ZFHX3: variants seen among roughly 807,000 people sequenced by gnomAD.
ZFHX3 encodes zinc finger homeobox 3.
A neutral mutation model predicts 279.1 loss-of-function variants in ZFHX3; 42 were observed. That is an observed-to-expected ratio of 0.15 (90% CI 0.12 to 0.19). ZFHX3 has a LOEUF of 0.19. Among genes scored for constraint, ZFHX3 ranks in the 10% least tolerant of loss-of-function variants. The probability of loss-of-function intolerance (pLI) is 1.00; values close to 1 mark genes in which losing one functional copy is unlikely to be tolerated. For synonymous variants in ZFHX3, 2,293 were observed against 1,957.8 expected (o/e 1.17, Z -4.52); for missense variants, 4,981 against 4,754.0 (o/e 1.05, Z -1.40).
chr16:73,543,885 G>GGGGAGAGAGAGAGAGAGA (rs1555523939), intron 2 of ZFHX3: 23 of 136,506 alleles, frequency 1.7e-4, no homozygotes, highest in African/African-American at 6.5e-4. Flanking sequence ...AGCGAGAGAG[G>GGGGAGAGAGAGAGAGAGA]GAGAGAGAGA....
At chr16:73,397,330 A>G (rs2017151138) in intron 3 of ZFHX3, among the ~76,000 whole-genome samples, 1 of 152,172 alleles carries the variant, frequency 6.6e-6, no homozygotes, top group Non-Finnish European at 1.5e-5. Flanking sequence ...TGAGGAATAG[A>G]AGAGTGGCAT....
At chr16:73,304,380 G>C (rs1373803773) in intron 4 of ZFHX3, among the ~76,000 whole-genome samples, 1 of 152,166 alleles carries the variant, frequency 6.6e-6, no homozygotes, top group Non-Finnish European at 1.5e-5. Context: ...TTTCTATCTG[G>C]GTGGAGACAT....
chr16:73,528,983 T>C (rs1419540014), intron 2 of ZFHX3, among the ~76,000 whole-genome samples: 1 of 152,148 alleles, frequency 6.6e-6, no homozygotes, highest in Admixed American at 6.5e-5. Flanking sequence ...TGTTTAACAA[T>C]TAATAAGCTA....
At position 73,337,897 on chromosome 16, in the gene ZFHX3, G is replaced by GGGGT. The variant is rs1555510903; in HGVS notation, c.-1290-19562_-1290-19561insACCC. 8.3e-4 allele frequency among the ~76,000 whole-genome samples: 117 copies of GGGGT among 140,858 alleles called. 21 individuals carry two copies. Among genetic ancestry groups the GGGGT allele is most frequent in the Non-Finnish European group, 1.6e-3 (104 of 63,204 alleles). The allele number at this position is 140,858 out of a possible 152,430, so 92.4% of individuals were successfully genotyped here. A position where few individuals can be genotyped will look rare whatever the true frequency, so the allele number is the denominator to read the frequency against. ...AAGTCTTCATCTTCCCTTGGCGGGG[G>GGGGT]GGGGGGTCCTCATCCCCTTTTTATG... On this transcript the variant is annotated intron_variant, in intron 3 of 17. Coordinates refer to the ZFHX3 transcript ENST00000641206.
At chr16:73,552,030 TGAGA>T (rs900870267) in intron 2 of ZFHX3, among the ~76,000 whole-genome samples, 18 of 151,604 alleles carry the variant, frequency 1.2e-4, no homozygotes, top group South Asian at 4.2e-4. Context: ...TGTGTGTGTG[TGAGA>T]GAGAGAGAGA....
In ZFHX3 at chr16:72,938,557, C is replaced by T. The variant is rs183650810; in HGVS notation, c.3216+11912G>A. 9.8e-5 allele frequency among the ~76,000 whole-genome samples: 15 copies of T among 152,300 alleles called. No individual in the cohort carries two copies. In the East Asian group the frequency reaches 2.7e-3, roughly 27 times the overall value. On this transcript the variant is annotated intron_variant, in intron 3 of 9. Coordinates refer to ENST00000268489, the MANE Select transcript of ZFHX3 (RefSeq NM_006885.4). ...TTTCTGGAGAATTTGGTGGGTCCCTCGGGAAGCTAGCTAGAACATCAGGGA... is the reference window on the plus strand; with the variant it reads ...TTTCTGGAGAATTTGGTGGGTCCCTTGGGAAGCTAGCTAGAACATCAGGGA...
In ZFHX3 at chr16:72,957,801, G is replaced by A. The variant is rs62639304; in HGVS notation, c.2345C>T (p.Ala782Val). The change falls in exon 2 of 10, where the codon GCG becomes GTG. Residue 782 changes from alanine to valine, a missense_variant. Physicochemically the swap from Ala to Val is moderately conservative, Grantham distance 64 (BLOSUM62 0). Around this residue, in one of 7 missense-constraint regions of ZFHX3, gnomAD observed 1,751 missense variants for 1,770.0 expected, o/e 0.99. Coordinates refer to ENST00000268489, the MANE Select transcript of ZFHX3 (RefSeq NM_006885.4). ...AAAAAVAAAAAAANISSSCGA... is the reference protein window; with the variant it reads ...AAAAAVAAAAVAANISSSCGA... ...GCAGGAGCTACTGATATTGGCTGCC[G>A]CCGCCGCCGCAGCCACCGCCGCCGC... The A allele has an allele frequency of 9.9e-4, 1,579 of 1,594,978 alleles. 15 individuals carry two copies. In the African/African-American group the frequency reaches 0.018, roughly 18 times the overall value.
chr16:73,387,178 A>C (rs1667344031), intron 3 of ZFHX3: 1 of 152,152 alleles, frequency 6.6e-6, no homozygotes, highest in African/African-American at 2.4e-5. Flanking sequence ...TGGTCCCTGC[A>C]TTATTTGAGC....
chr16:73,571,134 T>C (rs2051730285), intron 2 of ZFHX3, among the ~76,000 whole-genome samples: 1 of 152,168 alleles, frequency 6.6e-6, no homozygotes, highest in Non-Finnish European at 1.5e-5. Flanking sequence ...TTATTTCTTT[T>C]GTATTATAAT....
At chr16:73,535,483 C>T (rs1236851222) in intron 2 of ZFHX3, among the ~76,000 whole-genome samples, 1 of 152,136 alleles carries the variant, frequency 6.6e-6, no homozygotes, top group South Asian at 2.1e-4. Flanking sequence ...GGGAGTTAAA[C>T]CTTCAAGAAC....
rs150180748 is a variant in ZFHX3 at position 73,405,347 on chromosome 16, T to C, written c.-1291+50656A>G. Among the ~76,000 whole-genome samples the C allele has an allele frequency of 1.7e-3, 258 of 152,324 alleles. 2 individuals carry two copies. Among genetic ancestry groups the C allele is most frequent in the African/African-American group, 6.0e-3 (248 of 41,574 alleles). On this transcript the variant is annotated intron_variant, in intron 3 of 17. Transcript: ENST00000641206. Reference sequence around the variant, plus strand: ...CTGTACTACTTTCTACGATCCTGGCTGATTTTTCTTTTTCAGTAGAATAAC... The same window carrying C: ...CTGTACTACTTTCTACGATCCTGGCCGATTTTTCTTTTTCAGTAGAATAAC...
chr16:73,824,411 T>TTA (rs1555503813), intron 1 of ZFHX3, among the ~76,000 whole-genome samples: 2 of 150,236 alleles, frequency 1.3e-5, no homozygotes, highest in African/African-American at 4.9e-5. Flanking sequence ...TTTTTTTTTT[T>TTA]TTATTATACT....
intron 1 of ZFHX3, among the ~76,000 whole-genome samples, chr16:73,798,342 C>A (rs1247691014): frequency 2.6e-5 from 4 of 151,298 alleles, no homozygotes; most frequent in South Asian, 2.1e-4. Context: ...AAAGGTGAGA[C>A]CTTGAGGGCA....
At chr16:73,823,707 A>G (rs1597132161) in intron 1 of ZFHX3, among the ~76,000 whole-genome samples, 1 of 152,328 alleles carries the variant, frequency 6.6e-6, no homozygotes, top group East Asian at 1.9e-4. Flanking sequence ...CGCAAAACTG[A>G]AAATATTCAG....
chr16:73,223,393 T>C (rs954640121), intron 5 of ZFHX3, among the ~76,000 whole-genome samples: 1 of 152,246 alleles, frequency 6.6e-6, no homozygotes, highest in African/African-American at 2.4e-5. Context: ...ACAGTCTAAT[T>C]AGAAAACGGG....
At chr16:73,306,897 T>C (rs953857352) in intron 4 of ZFHX3, among the ~76,000 whole-genome samples, 2 of 152,200 alleles carry the variant, frequency 1.3e-5, no homozygotes, top group Admixed American at 1.3e-4. Context: ...GCTTAGACAT[T>C]ACTGAGAGAA....
At chr16:73,173,312 G>C (rs991849186) in intron 5 of ZFHX3, among the ~76,000 whole-genome samples, 10 of 151,972 alleles carry the variant, frequency 6.6e-5, no homozygotes, top group Non-Finnish European at 1.2e-4. Context: ...ATCTTCCGTG[G>C]GCGACGGCTT....
chr16:72,821,997 T>C (rs184490743), intron 5 of ZFHX3: 1 of 152,314 alleles, frequency 6.6e-6, no homozygotes, highest in Admixed American at 6.5e-5. Flanking sequence ...ACACTGAAAC[T>C]TGGTTTTTAA....
intron 1 of ZFHX3, among the ~76,000 whole-genome samples, chr16:73,846,976 C>A (rs886626467): frequency 3.3e-5 from 5 of 151,970 alleles, no homozygotes; most frequent in Non-Finnish European, 7.4e-5. Context: ...CACAGTGATT[C>A]CCCTTAGTGC....
Sources: gnomAD v4.1 joint callset for allele counts (sites outside exome capture counted in the v4.1 genomes callset) on GRCh38, gnomAD v4.1.1 for gene constraint, gnomAD v4.1.1 regional missense constraint, MANE v1.5 for transcripts, NCBI Gene and HGNC (gene_info 2026-07-23, HGNC 2026-07-21) for gene names.